The following PACRGL variants were observed in gnomAD, a reference collection of about 807,000 sequenced individuals.
PACRGL encodes the protein parkin coregulated like.
PACRGL carries 38 observed loss-of-function variants against 34.5 expected under a neutral mutation model. The ratio of observed to expected loss-of-function variants is 1.10; its 90% CI spans 0.85 to 1.44. The LOEUF (loss-of-function observed/expected upper bound fraction) is 1.44, where lower values mean the gene tolerates loss of function less well. Among genes scored for constraint, PACRGL ranks in the 40% most tolerant of loss-of-function variants. The probability of loss-of-function intolerance (pLI) is 0.00; values close to 1 mark genes in which losing one functional copy is unlikely to be tolerated. For missense variants in PACRGL, 305 were observed against 281.4 expected, an observed-to-expected ratio of 1.08 and a Z score of -0.60; for synonymous variants, 128 against 100.1, an observed-to-expected ratio of 1.28 and a Z score of -1.66.
At chr4:20,712,393 C>A (rs985234891) in intron 5 of PACRGL, among the ~76,000 whole-genome samples, 1 of 151,058 alleles carries the variant, frequency 6.6e-6, no homozygotes, top group African/African-American at 2.4e-5. Context: ...AAAAAAAATA[C>A]AATGCAAAAA....
At position 20,701,264 on chromosome 4, in the gene PACRGL, C is replaced by T. The variant is rs1560279059; in HGVS notation, c.-17+477C>T. Reference sequence around the variant, plus strand: ...GCTGCCCAAACAATGATAGAAAGTACACTTTCCTACCATTGACACAGATAC... The same window carrying T: ...GCTGCCCAAACAATGATAGAAAGTATACTTTCCTACCATTGACACAGATAC... On this transcript the variant is annotated intron_variant, in intron 1 of 8. Transcript: ENST00000503585. 2.6e-5 allele frequency among the ~76,000 whole-genome samples: 4 copies of T among 152,234 alleles called. No homozygotes were observed. The South Asian group carries it at 8.3e-4, about 32-fold the overall frequency.
chr4:20,761,578 G>C, the PACRGL span, among the ~76,000 whole-genome samples: 1 of 152,148 alleles, frequency 6.6e-6, no homozygotes, highest in Non-Finnish European at 1.5e-5. Flanking sequence ...CCATCAGGTG[G>C]CAAGCTTGTG....
Position 20,731,737 on chromosome 4 carries a change from C to G in PACRGL, c.*4396C>G. 2 of 985,332 alleles carry G rather than the reference C, an allele frequency of 2.0e-6. No homozygotes were observed. Among genetic ancestry groups the G allele is most frequent in the Non-Finnish European group, 2.4e-6 (2 of 829,912 alleles). The allele number at this position is 985,332 out of a possible 1,614,324, so 61.0% of individuals were successfully genotyped here. The stretch of plus-strand genomic sequence containing the variant: ...GTATGTTTTATCCTCCATGAATACT[C>G]TCTAAGGAATTTGGGAATCAACACA... On this transcript the variant is annotated 3_prime_UTR_variant, in exon 9 of 9. Transcript: ENST00000503585.
rs760271106 is a variant in PACRGL at position 20,707,805 on chromosome 4, T to C, written c.210T>C (p.Phe70=). 14 of 1,613,008 alleles carry C rather than the reference T, an allele frequency of 8.7e-6. No individual in the cohort carries two copies. In the Admixed American group the frequency reaches 1.5e-4, roughly 17 times the overall value. ...AATATTTTCATTTTTTATTTTAGTT[T>C]GGTGAACAGTCACGAGTGCCTTCTG... The part of the protein sequence containing the change: ...DKLNPKTINP[F]GEQSRVPSAF... The change falls in exon 4 of 9, where the codon TTT becomes TTC. Residue 70 remains phenylalanine, a splice_region_variant and synonymous_variant. Coordinates refer to ENST00000503585, the MANE Select transcript of PACRGL (RefSeq NM_001258345.3).
intron 3 of PACRGL, 90 bp downstream of exon 3, chr4:20,704,904 C>G: frequency 7.0e-7 from 1 of 1,432,106 alleles, no homozygotes; most frequent in Non-Finnish European, 9.6e-7. Flanking sequence ...TGAGTTTTGT[C>G]CCTTTGCTAG....
downstream of PACRGL, among the ~76,000 whole-genome samples, chr4:20,736,509 G>T (rs1164785429): frequency 6.6e-6 from 1 of 151,346 alleles, no homozygotes; most frequent in Non-Finnish European, 1.5e-5. Context: ...TTTTCTTCTG[G>T]GTTTTCATGT....
chr4:20,712,720 A>C, intron 5 of PACRGL, 68 bp from the exon 6 acceptor site: 1 of 1,293,706 alleles, frequency 7.7e-7, no homozygotes, highest in Non-Finnish European at 1.0e-6. Flanking sequence ...GCAAGTAAAG[A>C]CTCAATTTTT....
intron 5 of PACRGL, 29 bp downstream of exon 5, chr4:20,709,802 C>T: frequency 1.3e-6 from 2 of 1,509,980 alleles, no homozygotes; most frequent in Non-Finnish European, 1.8e-6. Flanking sequence ...GAATATTTAT[C>T]AGAAAATAAA....
intron 7 of PACRGL, among the ~76,000 whole-genome samples, chr4:20,714,847 A>G (rs574245398): frequency 9.8e-4 from 150 of 152,332 alleles, no homozygotes; most frequent in African/African-American, 3.3e-3. Flanking sequence ...TAGTTCAACC[A>G]TTGTGGAAGT....
intron 8 of PACRGL, among the ~76,000 whole-genome samples, chr4:20,750,354 C>T (rs1474039775): frequency 2.0e-5 from 3 of 152,002 alleles, no homozygotes; most frequent in African/African-American, 7.2e-5. Flanking sequence ...GGATTGGGGT[C>T]ATTGGTGACT....
chr4:20,740,880 A>G (rs929162054), intron 8 of PACRGL, among the ~76,000 whole-genome samples: 4 of 152,182 alleles, frequency 2.6e-5, no homozygotes, highest in African/African-American at 4.8e-5. Context: ...AGGAAGATCT[A>G]CCAAGCAAAT....
At chr4:20,724,682 T>G in intron 7 of PACRGL, 126 bp from the exon 8 acceptor site, 37 of 438,094 alleles carry the variant, frequency 8.4e-5, no homozygotes, top group Non-Finnish European at 1.1e-4. Flanking sequence ...TAAATTTCAA[T>G]GAGATGCTTC....
chr4:20,764,307 T>C, the PACRGL span, among the ~76,000 whole-genome samples: 1 of 152,096 alleles, frequency 6.6e-6, no homozygotes, highest in East Asian at 1.9e-4. Flanking sequence ...AATTATAGCA[T>C]TTTATGTTCT....
chr4:20,711,330 T>C (rs904508498), intron 5 of PACRGL, among the ~76,000 whole-genome samples: 1 of 152,192 alleles, frequency 6.6e-6, no homozygotes, highest in African/African-American at 2.4e-5. Context: ...CTTTTCTTTC[T>C]GTATTGAGTA....
At chr4:20,704,170 T>C (rs1733514646) in intron 1 of PACRGL, among the ~76,000 whole-genome samples, 1 of 152,220 alleles carries the variant, frequency 6.6e-6, no homozygotes, top group Non-Finnish European at 1.5e-5. Context: ...TGTTTTCTAA[T>C]GTGGTCAGAG....
downstream of PACRGL, among the ~76,000 whole-genome samples, chr4:20,735,139 G>C (rs1485249025): frequency 6.6e-6 from 1 of 152,124 alleles, no homozygotes; most frequent in East Asian, 1.9e-4. Context: ...TAAGAAATGT[G>C]GCTGTCCATA....
At chr4:20,744,903 A>G (rs1752084822) in intron 8 of PACRGL, among the ~76,000 whole-genome samples, 1 of 152,198 alleles carries the variant, frequency 6.6e-6, no homozygotes, top group Non-Finnish European at 1.5e-5. Flanking sequence ...AGTTCACTTC[A>G]TCTCTGAGTC....
At chr4:20,736,047 A>C (rs1278641618), downstream of PACRGL, among the ~76,000 whole-genome samples, 1 of 152,194 alleles carries the variant, frequency 6.6e-6, no homozygotes, top group Non-Finnish European at 1.5e-5. Context: ...AATAAGTAAC[A>C]TCCATATAGT....
In PACRGL at chr4:20,727,385, T is replaced by C; in HGVS notation, c.*44T>C. On this transcript the variant is annotated 3_prime_UTR_variant, in exon 9 of 9. Coordinates refer to ENST00000503585, the MANE Select transcript of PACRGL (RefSeq NM_001258345.3). ...ATTGTTTTTTCTACCTGTTGACGTGTCAAGCACTAACTGTGGGTACTCATT... is the reference window on the plus strand; with the variant it reads ...ATTGTTTTTTCTACCTGTTGACGTGCCAAGCACTAACTGTGGGTACTCATT... The C allele has an allele frequency of 1.4e-6, 2 of 1,465,764 alleles. No homozygotes were observed. Among genetic ancestry groups the C allele is most frequent in the Non-Finnish European group, 9.6e-7 (1 of 1,045,880 alleles). 90.8% of individuals were successfully genotyped at this position (1,465,764 alleles called of 1,614,324 possible).
Sources: gnomAD v4.1 joint callset for allele counts (sites outside exome capture counted in the v4.1 genomes callset) on GRCh38, gnomAD v4.1.1 for gene constraint, MANE v1.5 for transcripts, NCBI Gene and HGNC (gene_info 2026-07-23, HGNC 2026-07-21) for gene names.